The following PPP2R2C variants were observed in gnomAD, a reference collection of about 807,000 sequenced individuals.
PPP2R2C encodes protein phosphatase 2, regulatory subunit B, gamma.
A neutral mutation model predicts 45.3 loss-of-function variants in PPP2R2C; 10 were observed. The ratio of observed to expected loss-of-function variants is 0.22; its 90% CI spans 0.14 to 0.37. The LOEUF (loss-of-function observed/expected upper bound fraction) is 0.37. PPP2R2C is among the 10% of genes least tolerant of loss of function. The pLI, the probability that PPP2R2C is intolerant of heterozygous loss-of-function variation, is 1.00. For missense variants in PPP2R2C, 308 were observed against 619.7 expected, an observed-to-expected ratio of 0.50 and a Z score of 5.34; for synonymous variants, 257 against 245.4, an observed-to-expected ratio of 1.05 and a Z score of -0.44.
At chr4:6,410,296 C>A (rs1718077881) in intron 1 of PPP2R2C, among the ~76,000 whole-genome samples, 1 of 152,184 alleles carries the variant, frequency 6.6e-6, no homozygotes, top group South Asian at 2.1e-4. Context: ...GTTCTACAAA[C>A]CTCAGCGTGT....
chr4:6,419,935 G>A (rs1043008895), intron 1 of PPP2R2C, among the ~76,000 whole-genome samples: 1 of 152,172 alleles, frequency 6.6e-6, no homozygotes, highest in Non-Finnish European at 1.5e-5. Context: ...AATCCAATAT[G>A]ACCTCATCTT....
chr4:6,516,790 G>T (rs992415024), intron 2 of PPP2R2C, among the ~76,000 whole-genome samples: 3 of 152,094 alleles, frequency 2.0e-5, no homozygotes, highest in Admixed American at 6.5e-5. Flanking sequence ...TCCTCACCTG[G>T]CAATATAAAC....
intron 8 of PPP2R2C, among the ~76,000 whole-genome samples, chr4:6,326,555 G>C (rs932290924): frequency 6.6e-6 from 1 of 152,184 alleles, no homozygotes; most frequent in African/African-American, 2.4e-5. Context: ...CTGCCAATAG[G>C]ATAGTCCACG....
At chr4:6,350,503 C>T (rs1238403165) in intron 5 of PPP2R2C, 15 of 985,350 alleles carry the variant, frequency 1.5e-5, no homozygotes, top group Non-Finnish European at 1.8e-5. Context: ...CAGAAGCGCC[C>T]AGGAACGTGA....
At position 6,373,251 on chromosome 4, in the gene PPP2R2C, C is replaced by G. The variant is rs1209295724; in HGVS notation, c.448-551G>C. Among the ~76,000 whole-genome samples the G allele has an allele frequency of 5.3e-5, 8 of 152,310 alleles. No homozygotes were observed. In the East Asian group the frequency reaches 1.5e-3, roughly 29 times the overall value. ...ACTCATGGGATGGGGATGGAAGGAT[C>G]CTGCAGGAGAGCTGTGTCCCAACCA... is the stretch of plus-strand genomic sequence containing the variant. On this transcript the variant is annotated intron_variant, in intron 4 of 8. Coordinates refer to ENST00000382599, the MANE Select transcript of PPP2R2C (RefSeq NM_020416.4).
At chr4:6,430,553 C>G (rs776896466) in intron 1 of PPP2R2C, among the ~76,000 whole-genome samples, 2 of 152,144 alleles carry the variant, frequency 1.3e-5, no homozygotes, top group Admixed American at 6.5e-5. Context: ...CCTCGGTGCA[C>G]GAGGGGAAAC....
At chr4:6,349,373 G>A in intron 5 of PPP2R2C, 1 of 972,022 alleles carries the variant, frequency 1.0e-6, no homozygotes, top group Non-Finnish European at 1.2e-6. Flanking sequence ...TGTAAAATGA[G>A]TCAGCAGTAT....
intron 6 of PPP2R2C, among the ~76,000 whole-genome samples, chr4:6,343,940 C>T (rs1013769709): frequency 2.0e-5 from 3 of 152,202 alleles, no homozygotes; most frequent in Non-Finnish European, 4.4e-5. Context: ...AAAAAGCATA[C>T]ATAAAACCTT....
chr4:6,447,211 C>A lies in PPP2R2C; in HGVS notation c.70+24949G>T, dbSNP rs889404742. On this transcript the variant is annotated intron_variant, in intron 1 of 8. Transcript: ENST00000382599. The stretch of plus-strand genomic sequence containing the variant: ...AGAGGGTGGGAGCATGAAAGGGGAG[C>A]CAGCCACTCTCGGGTCGGTGCCTCC... Among the ~76,000 whole-genome samples the A allele has an allele frequency of 3.9e-5, 6 of 152,214 alleles. No homozygotes were observed. The East Asian group carries it at 7.8e-4, about 20-fold the overall frequency.
intron 1 of PPP2R2C, among the ~76,000 whole-genome samples, chr4:6,536,413 A>C (rs1724616174): frequency 6.6e-6 from 1 of 152,284 alleles, no homozygotes; most frequent in South Asian, 2.1e-4. Context: ...CCAGTCATTC[A>C]CATAAAAAGA....
At chr4:6,362,936 T>G (rs1659045913) in intron 5 of PPP2R2C, among the ~76,000 whole-genome samples, 1 of 152,220 alleles carries the variant, frequency 6.6e-6, no homozygotes, top group African/African-American at 2.4e-5. Flanking sequence ...GTGGCTTTGT[T>G]TCCTCATCTG....
chr4:6,475,759 A>G (rs1722119638), upstream of PPP2R2C, among the ~76,000 whole-genome samples: 1 of 152,086 alleles, frequency 6.6e-6, no homozygotes, highest in Non-Finnish European at 1.5e-5. Flanking sequence ...CTGTGCCCCC[A>G]ACTTGTTGTA....
chr4:6,327,094 G>A (rs1343994031), intron 8 of PPP2R2C, among the ~76,000 whole-genome samples: 1 of 152,176 alleles, frequency 6.6e-6, no homozygotes, highest in African/African-American at 2.4e-5. Context: ...AAAGTGAACT[G>A]GGAGGTGGCA....
chr4:6,381,898 A>G, intron 1 of PPP2R2C: 1 of 1,596,562 alleles, frequency 6.3e-7, no homozygotes, highest in South Asian at 1.1e-5. Flanking sequence ...CCCTTCCATC[A>G]CCAACATTCT....
intron 1 of PPP2R2C, chr4:6,382,362 T>A: frequency 7.5e-7 from 1 of 1,334,790 alleles, no homozygotes; most frequent in South Asian, 1.2e-5. Context: ...CAGCCACAGA[T>A]CTGACCGTTG....
intron 6 of PPP2R2C, among the ~76,000 whole-genome samples, chr4:6,333,976 G>T (rs745459512): frequency 1.5e-4 from 23 of 152,210 alleles, no homozygotes; most frequent in Non-Finnish European, 2.6e-4. Context: ...TAAAACCCAT[G>T]CCTGGGGAGT....
chr4:6,497,482 A>T (rs1722917113), intron 2 of PPP2R2C, among the ~76,000 whole-genome samples: 1 of 152,178 alleles, frequency 6.6e-6, no homozygotes, highest in Non-Finnish European at 1.5e-5. Context: ...AAGAAAAAAA[A>T]ATTAAAATCC....
At chr4:6,350,478 G>A (rs1168003258) in intron 5 of PPP2R2C, 1 of 985,470 alleles carries the variant, frequency 1.0e-6, no homozygotes. Context: ...AAAGCCACAG[G>A]AGGCTTGGTG....
intron 2 of PPP2R2C, among the ~76,000 whole-genome samples, chr4:6,524,828 C>T (rs1335611971): frequency 1.3e-5 from 2 of 152,230 alleles, no homozygotes; most frequent in African/African-American, 4.8e-5. Context: ...GTGGCTCACA[C>T]CTGCAATCCC....
Sources: gnomAD v4.1 joint callset for allele counts (sites outside exome capture counted in the v4.1 genomes callset) on GRCh38, gnomAD v4.1.1 for gene constraint, MANE v1.5 for transcripts, NCBI Gene and HGNC (gene_info 2026-07-23, HGNC 2026-07-21) for gene names.